Variants in ATR observed in about 807,000 individuals in gnomAD.
ATR encodes the protein serine/threonine-protein kinase ATR.
ATR carries 142 observed loss-of-function variants against 305.3 expected under a neutral mutation model. That is an observed-to-expected ratio of 0.47 (90% CI 0.41 to 0.53). The LOEUF (loss-of-function observed/expected upper bound fraction) is 0.53, where lower values mean the gene tolerates loss of function less well. Ranked by LOEUF, ATR falls within the 20% of genes least tolerant of loss-of-function variation. ATR has a pLI of 0.00. For missense variants in ATR, 2,135 were observed against 3,133.1 expected (o/e 0.68, Z 7.60); for synonymous variants, 1,050 against 1,068.1 (o/e 0.98, Z 0.33).
chr3:142,507,861 T>C (rs1018637023), intron 28 of ATR, 70 bp downstream of exon 28: 60 of 1,387,088 alleles, frequency 4.3e-5, no homozygotes, highest in South Asian at 1.9e-4. Flanking sequence ...TTCAATAAAA[T>C]GAACAACATA....
intron 46 of ATR, chr3:142,450,215 T>A: frequency 1.7e-6 from 1 of 586,680 alleles, no homozygotes. Context: ...AAATATGACT[T>A]ATGTTCCAGC....
rs1455467406 is a variant in ATR at position 142,516,770 on chromosome 3, C to T, written c.4383-1255G>A. Among the ~76,000 whole-genome samples, 3 of 152,178 alleles carry T rather than the reference C, an allele frequency of 2.0e-5. No homozygotes were observed. The East Asian group carries it at 5.8e-4, about 29-fold the overall frequency. ...TCCCATTCCGGATGCTCCTTGGGGTCCTTACTACACCAACTATCACTTCTC... is the reference window on the plus strand; with the variant it reads ...TCCCATTCCGGATGCTCCTTGGGGTTCTTACTACACCAACTATCACTTCTC... On this transcript the variant is annotated intron_variant, in intron 24 of 46. Coordinates refer to ENST00000350721, the MANE Select transcript of ATR (RefSeq NM_001184.4).
chr3:142,535,802 G>T (rs147769717), intron 20 of ATR, among the ~76,000 whole-genome samples: 28 of 152,242 alleles, frequency 1.8e-4, no homozygotes, highest in Admixed American at 1.8e-3. Context: ...AGGGTGTGCC[G>T]CTGTGGTAGC....
chr3:142,519,539 A>G, intron 24 of ATR, 130 bp downstream of exon 24: 1 of 679,100 alleles, frequency 1.5e-6, no homozygotes, highest in African/African-American at 1.8e-5. Context: ...TGACCTCGTG[A>G]TCCGCCCGCC....
intron 22 of ATR, 64 bp from the exon 23 acceptor site, chr3:142,522,905 G>T: frequency 8.2e-7 from 1 of 1,221,890 alleles, no homozygotes; most frequent in Non-Finnish European, 1.2e-6. Flanking sequence ...TAGGTGTACT[G>T]CTTTTTCCAT....
intron 33 of ATR, among the ~76,000 whole-genome samples, chr3:142,496,759 T>C (rs138148025): frequency 1.1e-3 from 172 of 152,286 alleles, no homozygotes; most frequent in Middle Eastern, 6.8e-3. Flanking sequence ...ATTATGAACC[T>C]TATTCTTGAT....
intron 35 of ATR, among the ~76,000 whole-genome samples, chr3:142,489,851 T>G (rs912149456): frequency 6.6e-6 from 1 of 152,240 alleles, no homozygotes; most frequent in Non-Finnish European, 1.5e-5. Flanking sequence ...GATTTAACTT[T>G]TTATAGTCCC....
intron 30 of ATR, 75 bp from the exon 31 acceptor site, chr3:142,499,793 A>G: frequency 1.7e-6 from 2 of 1,182,564 alleles, no homozygotes; most frequent in Non-Finnish European, 2.5e-6. Context: ...ATTGGTTTAC[A>G]TACTCTATTT....
chr3:142,572,372 C>CTTTTTTTTTTTT (rs11318957), intron 1 of ATR, among the ~76,000 whole-genome samples: 3 of 56,810 alleles, frequency 5.3e-5, no homozygotes, highest in African/African-American at 6.7e-5. Flanking sequence ...CCCGGCCTGA[C>CTTTTTTTTTTTT]TTTTTTTTTT....
At chr3:142,495,779 AAT>A (rs2031553148) in intron 34 of ATR, among the ~76,000 whole-genome samples, 1 of 151,968 alleles carries the variant, frequency 6.6e-6, no homozygotes, top group Admixed American at 6.6e-5. Flanking sequence ...AAAAATAAAA[AAT>A]AAATCTGGGT....
intron 31 of ATR, 64 bp from the exon 32 acceptor site, chr3:142,498,838 C>A (rs2108342327): frequency 6.7e-7 from 1 of 1,490,082 alleles, no homozygotes. Context: ...AGCTTTATTT[C>A]ATTAGATAAA....
chr3:142,563,036 T>C lies in ATR; in HGVS notation c.366A>G (p.Lys122=). The C allele has an allele frequency of 6.3e-7, 1 of 1,599,666 alleles. No homozygotes were observed. Among genetic ancestry groups the C allele is most frequent in the Non-Finnish European group, 8.5e-7 (1 of 1,175,590 alleles). The change falls in exon 4 of 47, where the codon AAA becomes AAG. Residue 122 remains lysine (K), a synonymous_variant. Transcript: ENST00000350721. ...ATAATGAACAGATGACTTCACAGAT[T>C]TTCTTGTGTAACAAATGACAGGAGG... ...ATPSCHLLHK[K]ICEVICSLLF... is the part of the protein sequence containing the mutation.
chr3:142,552,976 A>C (rs1252960021), intron 13 of ATR, among the ~76,000 whole-genome samples: 1 of 151,976 alleles, frequency 6.6e-6, no homozygotes, highest in African/African-American at 2.4e-5. Flanking sequence ...GGGAAGGGAG[A>C]GTATCAGAAA....
In ATR at chr3:142,571,205, C is replaced by A. The variant is rs571335704; in HGVS notation, c.60-3051G>T. On this transcript the variant is annotated intron_variant, in intron 1 of 46. Coordinates refer to ENST00000350721, the MANE Select transcript of ATR (RefSeq NM_001184.4). ...AAAAGCGGCCGGGCATGGTGGCTCA[C>A]GCCTGTAATACGAGCATTTTGGGAG... 4.5e-4 allele frequency among the ~76,000 whole-genome samples: 68 copies of A among 152,258 alleles called. 3 individuals are homozygous for A. The East Asian group carries it at 0.012, about 27-fold the overall frequency.
intron 39 of ATR, 66 bp from the exon 40 acceptor site, chr3:142,466,599 C>T: frequency 7.0e-7 from 1 of 1,434,090 alleles, no homozygotes; most frequent in East Asian, 2.5e-5. Context: ...AAAAATTTCA[C>T]TTTTACAATA....
At chr3:142,468,234 A>G (rs933318029) in intron 38 of ATR, among the ~76,000 whole-genome samples, 166 bp from the exon 39 acceptor site, 2 of 152,170 alleles carry the variant, frequency 1.3e-5, no homozygotes, top group African/African-American at 4.8e-5. Flanking sequence ...CCATACAAAT[A>G]TTGCCACCCT....
At chr3:142,505,575 A>G (rs894354898) in intron 28 of ATR, among the ~76,000 whole-genome samples, 1 of 152,220 alleles carries the variant, frequency 6.6e-6, no homozygotes, top group Non-Finnish European at 1.5e-5. Context: ...TCAGGATCCT[A>G]AAACTGTCTA....
chr3:142,453,455 T>G (rs1285893069), intron 45 of ATR, among the ~76,000 whole-genome samples: 1 of 152,150 alleles, frequency 6.6e-6, no homozygotes, highest in East Asian at 1.9e-4. Flanking sequence ...CAGAGGTGTT[T>G]TGGAGAATAG....
chr3:142,528,957 C>G (rs1242977495), intron 21 of ATR, among the ~76,000 whole-genome samples: 1 of 135,580 alleles, frequency 7.4e-6, no homozygotes, highest in African/African-American at 2.8e-5. Context: ...AATCTCGGCT[C>G]ACTGCAACCT....
Sources: allele counts gnomAD v4.1 joint callset (sites outside exome capture counted in the v4.1 genomes callset), GRCh38; gene constraint gnomAD v4.1.1; transcripts MANE v1.5; gene names NCBI Gene and HGNC (gene_info 2026-07-23, HGNC 2026-07-21).